BMS1: variants seen among roughly 807,000 people sequenced by gnomAD.
BMS1 encodes the protein ribosome biogenesis protein BMS1 homolog.
In BMS1, 53 loss-of-function variants were observed where a neutral mutation model predicts 138.7. The observed-to-expected ratio is 0.38, with a 90% CI of 0.31 to 0.48. The LOEUF is 0.48. Ranked by LOEUF, BMS1 falls within the 20% of genes least tolerant of loss-of-function variation. The probability of loss-of-function intolerance (pLI) is 0.97; values close to 1 mark genes in which losing one functional copy is unlikely to be tolerated. For synonymous variants in BMS1, 504 were observed against 539.9 expected, an observed-to-expected ratio of 0.93 and a Z score of 0.92; for missense variants, 1,360 against 1,565.5, an observed-to-expected ratio of 0.87 and a Z score of 2.22.
At chr10:42,813,887 A>T (rs758760036) in intron 13 of BMS1, among the ~76,000 whole-genome samples, 2 of 152,092 alleles carry the variant, frequency 1.3e-5, no homozygotes, top group Non-Finnish European at 2.9e-5. Context: ...TTCATGGGAT[A>T]TAGAATTTGC....
At chr10:42,827,610 TC>T (rs1446697290) in intron 21 of BMS1, among the ~76,000 whole-genome samples, 1 of 152,068 alleles carries the variant, frequency 6.6e-6, no homozygotes, top group African/African-American at 2.4e-5. Flanking sequence ...TGCTTCCTTA[TC>T]CCCACAGGGA....
chr10:42,789,316 C>T (rs182622206), intron 4 of BMS1, among the ~76,000 whole-genome samples: 5 of 152,364 alleles, frequency 3.3e-5, no homozygotes, highest in Non-Finnish European at 7.3e-5. Context: ...ACAGTAGCAG[C>T]TGTGCTTTCT....
At chr10:42,795,998 C>G (rs779821443) in intron 9 of BMS1, among the ~76,000 whole-genome samples, 13 of 152,200 alleles carry the variant, frequency 8.5e-5, no homozygotes, top group Admixed American at 2.6e-4. Flanking sequence ...GAGCCTTCAG[C>G]CTGTCTCCTG....
rs34272995 is a variant in BMS1, at chr10:42,821,542, C to CTTTTT, written c.3010-496_3010-492dup. On this transcript the variant is annotated intron_variant, in intron 18 of 22. Transcript: ENST00000374518. ...ACTCTCAGGAAAGTACTCAAGGCGC[C>CTTTTT]TTTTTTTTTTTTTTTTTTTTTTTTT... Among the ~76,000 whole-genome samples, 18 of 68,622 alleles carry CTTTTT rather than the reference C, an allele frequency of 2.6e-4. 3 individuals carry two copies. Among genetic ancestry groups the CTTTTT allele is most frequent in the African/African-American group, 8.1e-4 (13 of 16,102 alleles). The allele number at this position is 68,622 out of a possible 152,430, so 45.0% of individuals were successfully genotyped here. A position where few individuals can be genotyped will look rare whatever the true frequency, so the allele number is the denominator to read the frequency against.
chr10:42,800,940 C>T (rs1295096506), intron 12 of BMS1, among the ~76,000 whole-genome samples: 1 of 152,192 alleles, frequency 6.6e-6, no homozygotes, highest in Non-Finnish European at 1.5e-5. Context: ...TGCTCCTGCA[C>T]CTGTTATCCC....
chr10:42,823,519 T>C, intron 20 of BMS1, 90 bp from the exon 21 acceptor site: 1 of 1,306,474 alleles, frequency 7.7e-7, no homozygotes, highest in Non-Finnish European at 1.0e-6. Context: ...GGTAGAGAAG[T>C]TTGGAGTGAA....
chr10:42,786,217 T>C (rs1432561398), intron 3 of BMS1, among the ~76,000 whole-genome samples: 2 of 152,212 alleles, frequency 1.3e-5, no homozygotes, highest in Non-Finnish European at 2.9e-5. Context: ...ATGCTTGCCT[T>C]ATGAAGCCAC....
intron 21 of BMS1, among the ~76,000 whole-genome samples, chr10:42,824,503 T>C (rs113304585): frequency 2.0e-5 from 3 of 152,328 alleles, no homozygotes; most frequent in African/African-American, 7.2e-5. Context: ...CCTCCTTGTT[T>C]ATGTTTACAT....
At position 42,820,956 on chromosome 10, in the gene BMS1, T is replaced by A; in HGVS notation, c.2973T>A (p.Thr991=). The A allele has an allele frequency of 1.9e-6, 3 of 1,602,066 alleles. No homozygotes were observed. Among genetic ancestry groups the A allele is most frequent in the Non-Finnish European group, 2.5e-6 (3 of 1,177,954 alleles). ...AAGGCCCTATCACTCCACAGGGAAC[T>A]GGTTTCTTGGCAATACAGTCTGTCA... The part of the protein sequence containing the change: ...AFWGPITPQG[T]GFLAIQSVSG... Residue 991 remains threonine, a synonymous_variant, in exon 18 of 23, where the codon ACT becomes ACA. Coordinates refer to ENST00000374518, the MANE Select transcript of BMS1 (RefSeq NM_014753.4).
At chr10:42,804,798 A>G (rs1589144765) in intron 13 of BMS1, among the ~76,000 whole-genome samples, 2 of 151,758 alleles carry the variant, frequency 1.3e-5, no homozygotes, top group Non-Finnish European at 2.9e-5. Context: ...GCTCACTGCA[A>G]CCCCTGCCCC....
chr10:42,785,585 G>A lies in BMS1; in HGVS notation c.280G>A (p.Gly94Arg). ...VVVVMGPPKV[G>R]KSTLIQCLIR... is the part of the protein sequence containing the mutation. ...AGTGGTGATGGGACCTCCAAAAGTT[G>A]GAAAGAGCACTTTGATACAATGCCT... Residue 94 changes from glycine to arginine, a missense_variant, in exon 3 of 23, where the codon GGA becomes AGA. Coordinates refer to ENST00000374518, the MANE Select transcript of BMS1 (RefSeq NM_014753.4). The A allele has an allele frequency of 6.2e-7, 1 of 1,613,908 alleles. No homozygotes were observed. Among genetic ancestry groups the A allele is most frequent in the Non-Finnish European group, 8.5e-7 (1 of 1,179,846 alleles).
intron 12 of BMS1, 48 bp from the exon 13 acceptor site, chr10:42,802,089 G>C (rs1462784383): frequency 6.8e-7 from 1 of 1,475,684 alleles, no homozygotes; most frequent in Admixed American, 1.8e-5. Flanking sequence ...GAGTTGTTTT[G>C]CTGAGTGATT....
At chr10:42,799,629 G>C (rs1424180247) in intron 12 of BMS1, among the ~76,000 whole-genome samples, 2 of 152,132 alleles carry the variant, frequency 1.3e-5, no homozygotes, top group East Asian at 3.9e-4. Context: ...AAAAACAATT[G>C]TTCAGCCTAA....
At position 42,785,574 on chromosome 10, in the gene BMS1, C is replaced by T; in HGVS notation, c.269C>T (p.Pro90Leu). ...CCAATAGTGGTAGTGGTGATGGGACCTCCAAAAGTTGGAAAGAGCACTTTG... is the reference window on the plus strand; with the variant it reads ...CCAATAGTGGTAGTGGTGATGGGACTTCCAAAAGTTGGAAAGAGCACTTTG... ...PPPIVVVVMGPPKVGKSTLIQ... is the reference protein window; with the variant it reads ...PPPIVVVVMGLPKVGKSTLIQ... The change falls in exon 3 of 23, where the codon CCT becomes CTT. Residue 90 changes from proline to leucine, a missense_variant. By Grantham distance (98) the Pro-to-Leu change is moderately conservative. This residue lies in a region of BMS1 where 238 missense variants were observed against 311.1 expected (regional missense o/e 0.77). Coordinates refer to ENST00000374518, the MANE Select transcript of BMS1 (RefSeq NM_014753.4). 6.2e-7 allele frequency: 1 copy of T among 1,613,908 alleles called. No homozygotes were observed. The highest frequency in any genetic ancestry group is 8.5e-7 in the Non-Finnish European group (1 of 1,179,852).
In BMS1 at chr10:42,823,778, G is replaced by C. The variant is rs774482752; in HGVS notation, c.3450G>C (p.Leu1150=). The C allele has an allele frequency of 6.3e-7, 1 of 1,588,066 alleles. No individual in the cohort carries two copies. The highest frequency in any genetic ancestry group is 8.5e-7 in the Non-Finnish European group (1 of 1,176,394). Residue 1150 remains leucine, a synonymous_variant, in exon 21 of 23, where the codon CTG becomes CTC. Coordinates refer to ENST00000374518, the MANE Select transcript of BMS1 (RefSeq NM_014753.4). ...GVRLKANKDS[L]YKPILRQKKH... Reference sequence around the variant, plus strand: ...GACTAAAGGCGAACAAGGACTCTCTGTATAAGGTACTGGTCGCGTGTGTGT... The same window carrying C: ...GACTAAAGGCGAACAAGGACTCTCTCTATAAGGTACTGGTCGCGTGTGTGT...
intron 22 of BMS1, 30 bp from the exon 23 acceptor site, chr10:42,830,836 C>T (rs1480830586): frequency 1.3e-6 from 2 of 1,577,608 alleles, no homozygotes; most frequent in Non-Finnish European, 1.7e-6. Flanking sequence ...TGAGAGCATT[C>T]TGATACTCAC....
intron 12 of BMS1, 44 bp downstream of exon 12, chr10:42,798,669 T>A (rs1163232097): frequency 6.2e-7 from 1 of 1,605,786 alleles, no homozygotes. Flanking sequence ...AATTAGCGAA[T>A]TGTTCTAGAA....
chr10:42,813,154 C>G (rs917322512), intron 13 of BMS1, among the ~76,000 whole-genome samples: 2 of 152,190 alleles, frequency 1.3e-5, no homozygotes, highest in African/African-American at 4.8e-5. Context: ...TTTCTCCATT[C>G]TTTTACTTTC....
chr10:42,823,397 G>A (rs1044151270), intron 20 of BMS1, 132 bp downstream of exon 20: 1 of 1,287,956 alleles, frequency 7.8e-7, no homozygotes, highest in Non-Finnish European at 1.1e-6. Flanking sequence ...CAGTCTTATG[G>A]GTGTGCCCAT....
Sources: allele counts gnomAD v4.1 joint callset (sites outside exome capture counted in the v4.1 genomes callset), GRCh38; gene constraint gnomAD v4.1.1; regional missense constraint gnomAD v4.1.1; transcripts MANE v1.5; gene names NCBI Gene and HGNC (gene_info 2026-07-23, HGNC 2026-07-21).